Variants in DISC1 observed in about 807,000 individuals in gnomAD.
The protein encoded by DISC1 is disrupted in schizophrenia 1 protein.
In DISC1, 57 loss-of-function variants were observed where a neutral mutation model predicts 84.5. The observed-to-expected ratio is 0.67, with a 90% CI of 0.55 to 0.84. The LOEUF (loss-of-function observed/expected upper bound fraction) is 0.84. Ranked by LOEUF, DISC1 falls within the 40% of genes least tolerant of loss-of-function variation. The pLI is 0.00. For synonymous variants in DISC1, 411 were observed against 415.2 expected, an observed-to-expected ratio of 0.99 and a Z score of 0.12; for missense variants, 1,000 against 1,057.8, an observed-to-expected ratio of 0.95 and a Z score of 0.76.
intron 10 of DISC1, among the ~76,000 whole-genome samples, chr1:231,979,667 T>C (rs1382317945): frequency 6.6e-6 from 1 of 151,056 alleles, no homozygotes; most frequent in South Asian, 2.1e-4. Context: ...ATATCCTCTC[T>C]ATATGTAATA....
intron 1 of DISC1, among the ~76,000 whole-genome samples, chr1:231,627,207 A>C (rs2125054439): frequency 6.6e-6 from 1 of 152,216 alleles, no homozygotes; most frequent in Non-Finnish European, 1.5e-5. Context: ...AAACTGTAGG[A>C]GTCTGACCCG....
At chr1:231,872,076 G>GC (rs1289752018) in intron 9 of DISC1, among the ~76,000 whole-genome samples, 1 of 152,238 alleles carries the variant, frequency 6.6e-6, no homozygotes, top group Non-Finnish European at 1.5e-5. Context: ...GTGGCAGGAA[G>GC]CCTTCAGTCG....
At position 231,708,269 on chromosome 1, in the gene DISC1, AGG is replaced by A. The variant is rs546469766; in HGVS notation, c.1117+6247_1117+6248del. Among the ~76,000 whole-genome samples the A allele has an allele frequency of 3.3e-5, 5 of 152,290 alleles. No individual in the cohort carries two copies. In the South Asian group the frequency reaches 1.0e-3, roughly 32 times the overall value. On this transcript the variant is annotated intron_variant, in intron 3 of 12. Coordinates refer to ENST00000439617, the MANE Select transcript of DISC1 (RefSeq NM_018662.3). ...GTTGGCAGGCACCATCCAATTGTCA[AGG>A]GCCCAGAGAAAACAAATGTAGAAGG...
chr1:231,642,041 C>T (rs897749788), intron 1 of DISC1, among the ~76,000 whole-genome samples: 4 of 152,194 alleles, frequency 2.6e-5, no homozygotes, highest in African/African-American at 4.8e-5. Flanking sequence ...CAGGAGCCCA[C>T]GAAGGGCGGG....
chr1:231,747,015 A>T (rs2074060197), intron 3 of DISC1, among the ~76,000 whole-genome samples: 1 of 152,106 alleles, frequency 6.6e-6, no homozygotes, highest in Non-Finnish European at 1.5e-5. Flanking sequence ...TGCAGCCTCG[A>T]CTTCCCCAGA....
chr1:231,985,729 A>T (rs1479634379), intron 10 of DISC1, among the ~76,000 whole-genome samples: 2 of 152,200 alleles, frequency 1.3e-5, no homozygotes, highest in African/African-American at 4.8e-5. Flanking sequence ...CATCTCCAGT[A>T]AAGTGTTTCT....
intron 9 of DISC1, among the ~76,000 whole-genome samples, chr1:231,829,374 G>GT (rs1326938244): frequency 3.3e-5 from 5 of 151,852 alleles, no homozygotes; most frequent in South Asian, 2.1e-4. Context: ...GCCTTTATAA[G>GT]TTTTTTTTGA....
At chr1:231,662,678 G>A (rs2061658432) in intron 1 of DISC1, among the ~76,000 whole-genome samples, 1 of 152,234 alleles carries the variant, frequency 6.6e-6, no homozygotes, top group African/African-American at 2.4e-5. Context: ...ACCTATCTCA[G>A]GCAGATTCCA....
intron 9 of DISC1, among the ~76,000 whole-genome samples, chr1:231,939,450 C>T (rs935631351): frequency 3.3e-5 from 5 of 152,090 alleles, no homozygotes; most frequent in South Asian, 4.1e-4. Context: ...AGAAAGTGGC[C>T]GTATCATTCT....
At chr1:231,648,357 C>T (rs557263924) in intron 1 of DISC1, among the ~76,000 whole-genome samples, 7 of 152,178 alleles carry the variant, frequency 4.6e-5, no homozygotes, top group African/African-American at 1.7e-4. Context: ...TGATGGATTA[C>T]GTTTATTGAC....
intron 3 of DISC1, among the ~76,000 whole-genome samples, chr1:231,733,542 G>C (rs1194027071): frequency 6.9e-6 from 1 of 145,740 alleles, no homozygotes; most frequent in Non-Finnish European, 1.5e-5. Context: ...TGGTGATGAT[G>C]GTAGGAGTGG....
At chr1:231,650,761 C>G (rs569709176) in intron 1 of DISC1, among the ~76,000 whole-genome samples, 3 of 152,232 alleles carry the variant, frequency 2.0e-5, no homozygotes, top group South Asian at 2.1e-4. Context: ...TTATTTGTTT[C>G]TTTTTACTCT....
intron 9 of DISC1, among the ~76,000 whole-genome samples, chr1:231,914,069 T>C (rs549759946): frequency 2.0e-5 from 3 of 152,324 alleles, no homozygotes; most frequent in East Asian, 3.9e-4. Flanking sequence ...AGGGCTGGCA[T>C]GGCGAGTCCC....
intron 6 of DISC1, among the ~76,000 whole-genome samples, chr1:231,774,257 G>GA (rs539167370): frequency 3.6e-4 from 52 of 144,658 alleles, no homozygotes; most frequent in Admixed American, 6.9e-4. Flanking sequence ...CTGACTCAAA[G>GA]AAAAAAAAAA....
intron 9 of DISC1, among the ~76,000 whole-genome samples, chr1:231,870,899 T>C (rs759944683): frequency 2.6e-5 from 4 of 152,232 alleles, no homozygotes; most frequent in Non-Finnish European, 5.9e-5. Flanking sequence ...TTCAAACTTA[T>C]CTGATTTTCA....
In DISC1 at chr1:231,994,924, T is replaced by C. The variant is rs150333401; in HGVS notation, c.2043-13861T>C. On this transcript the variant is annotated intron_variant, in intron 10 of 12. Coordinates refer to ENST00000439617, the MANE Select transcript of DISC1 (RefSeq NM_018662.3). ...GGAGACCTGAATATAAACTAAATTC[T>C]ATTAGGAAGGGCAAGACAAGAAAGA... Among the ~76,000 whole-genome samples, 1,512 of 152,294 alleles carry C rather than the reference T, an allele frequency of 9.9e-3. 19 individuals are homozygous for C. The highest frequency in any genetic ancestry group is 0.017 in the Middle Eastern group (5 of 294).
At chr1:231,773,160 T>G (rs1054970661) in intron 6 of DISC1, among the ~76,000 whole-genome samples, 2 of 152,214 alleles carry the variant, frequency 1.3e-5, no homozygotes, top group African/African-American at 2.4e-5. Flanking sequence ...GATGGTTTCC[T>G]TCCAGAGAGC....
At chr1:231,682,985 G>C (rs74146707) in intron 1 of DISC1, among the ~76,000 whole-genome samples, 1 of 152,198 alleles carries the variant, frequency 6.6e-6, no homozygotes, top group Non-Finnish European at 1.5e-5. Flanking sequence ...AAAGTGAGAC[G>C]CTGGTGCCAT....
intron 9 of DISC1, among the ~76,000 whole-genome samples, chr1:231,838,681 G>A (rs1472046745): frequency 6.6e-6 from 1 of 152,202 alleles, no homozygotes. Flanking sequence ...ATATCTGAGA[G>A]TCTATATCAA....
Sources: allele counts gnomAD v4.1 joint callset (sites outside exome capture counted in the v4.1 genomes callset), GRCh38; gene constraint gnomAD v4.1.1; transcripts MANE v1.5; gene names NCBI Gene and HGNC (gene_info 2026-07-23, HGNC 2026-07-21).